TMEM184A: variants seen among roughly 807,000 people sequenced by gnomAD.
TMEM184A encodes sexually dimorphic, expressed in male gonads 1.
In TMEM184A, 40 loss-of-function variants were observed where a neutral mutation model predicts 39.5. That is an observed-to-expected ratio of 1.01 (90% CI 0.79 to 1.32). The LOEUF (loss-of-function observed/expected upper bound fraction) is 1.32. TMEM184A is among the 40% of genes most tolerant of loss of function. The pLI, the probability that TMEM184A is intolerant of heterozygous loss-of-function variation, is 0.00. For missense variants in TMEM184A, 603 were observed against 568.8 expected (o/e 1.06, Z -0.61); for synonymous variants, 280 against 252.3 (o/e 1.11, Z -1.04).
chr7:1,549,975 G>A (rs1562558653), intron 5 of TMEM184A, 30 bp from the exon 6 acceptor site: 3 of 1,610,570 alleles, frequency 1.9e-6, no homozygotes, highest in Non-Finnish European at 2.5e-6. Flanking sequence ...GTGGGCCTGG[G>A]GCCAGGTCCC....
At chr7:1,547,407 G>A (rs57984014) in intron 8 of TMEM184A, among the ~76,000 whole-genome samples, 90,001 of 151,976 alleles carry the variant, frequency 0.59, 26,792 homozygotes, top group East Asian at 0.67. Flanking sequence ...TAGAGCTTCC[G>A]AGGGGCTCCA....
chr7:1,547,878 C>T lies in TMEM184A; in HGVS notation c.876G>A (p.Gly292=), dbSNP rs754497158. 3 of 1,600,090 alleles carry T rather than the reference C, an allele frequency of 1.9e-6. No individual in the cohort carries two copies. The highest frequency in any genetic ancestry group is 8.5e-7 in the Non-Finnish European group (1 of 1,173,882). The change falls in exon 8 of 9, where the codon GGG becomes GGA. Residue 292 remains glycine (G), a synonymous_variant. Coordinates refer to ENST00000297477, the MANE Select transcript of TMEM184A (RefSeq NM_001097620.2). ...GVIPEVETSG[G]NKLGAGTLAA... ...CCAGCGTGCCAGCCCCCAGCTTGTT[C>T]CCGCCGCTGGTCTCCACCTCCGGGA...
intron 2 of TMEM184A, among the ~76,000 whole-genome samples, chr7:1,551,533 A>C (rs1784597580): frequency 6.6e-6 from 1 of 152,254 alleles, no homozygotes; most frequent in Non-Finnish European, 1.5e-5. Flanking sequence ...GCCTATTGTA[A>C]TTAGATACAT....
intron 1 of TMEM184A, 60 bp downstream of exon 1, chr7:1,556,054 C>T (rs568435100): frequency 1.1e-3 from 194 of 169,420 alleles, no homozygotes; most frequent in African/African-American, 4.2e-3. Flanking sequence ...CTCCCACACT[C>T]GCAGCCCAGT....
Position 1,547,024 on chromosome 7 carries a change from G to GCCA in TMEM184A, c.1169_1170insTGG (p.Gly392dup), listed in dbSNP as rs747205009. 762 of 1,604,122 alleles carry GCCA rather than the reference G, an allele frequency of 4.8e-4. 1 individual carries two copies. Among genetic ancestry groups the GCCA allele is most frequent in the Middle Eastern group, 7.7e-4 (4 of 5,186 alleles). On this transcript the variant is annotated inframe_insertion, in exon 9 of 9. Coordinates refer to ENST00000297477, the MANE Select transcript of TMEM184A (RefSeq NM_001097620.2). ...TCTTCCTGCTCCCGCCGGAGCCGCC[G>GCCA]CTGGGGTGGGTGCCGGGCCTGGGCG...
At position 1,548,529 on chromosome 7, in the gene TMEM184A, C is replaced by G; in HGVS notation, c.804G>C (p.Ser268=). 6.2e-7 allele frequency: 1 copy of G among 1,612,526 alleles called. No individual in the cohort carries two copies. Among genetic ancestry groups the G allele is most frequent in the Non-Finnish European group, 8.5e-7 (1 of 1,179,384 alleles). ...ACCTGCCCCACACACCTTGCCAGAACGACAGGAAGATGACGGCTTTGATGG... is the reference window on the plus strand; with the variant it reads ...ACCTGCCCCACACACCTTGCCAGAAGGACAGGAAGATGACGGCTTTGATGG... ...FLTIKAVIFL[S]FWQGLLLAIL... is the part of the protein sequence containing the mutation. The change falls in exon 7 of 9, where the codon TCG becomes TCC. Residue 268 remains serine, a synonymous_variant. Transcript: ENST00000297477.
chr7:1,551,859 C>A (rs1045834101), intron 2 of TMEM184A, among the ~76,000 whole-genome samples: 3 of 152,032 alleles, frequency 2.0e-5, no homozygotes, highest in Admixed American at 6.5e-5. Context: ...ATCGCTTGAG[C>A]CTGGGAGGTG....
chr7:1,547,958 C>T lies in TMEM184A; in HGVS notation c.815-19G>A. 6 of 1,550,810 alleles carry T rather than the reference C, an allele frequency of 3.9e-6. No homozygotes were observed. The East Asian group carries it at 1.5e-4, about 38-fold the overall frequency. On this transcript the variant is annotated intron_variant, in intron 7 of 8. Coordinates refer to ENST00000297477, the MANE Select transcript of TMEM184A (RefSeq NM_001097620.2). ...AGCAGCCCTGCGGACGCCACGGCCGCTCAGCCCCAGCCCCAGACGGGGTCT... is the reference window on the plus strand; with the variant it reads ...AGCAGCCCTGCGGACGCCACGGCCGTTCAGCCCCAGCCCCAGACGGGGTCT...
At chr7:1,553,939 G>A (rs777742680) in intron 2 of TMEM184A, among the ~76,000 whole-genome samples, 3 of 152,090 alleles carry the variant, frequency 2.0e-5, no homozygotes, top group South Asian at 2.1e-4. Flanking sequence ...TCTTGACTGC[G>A]AGGCCCCATG....
At chr7:1,554,446 C>T (rs920267290) in intron 2 of TMEM184A, among the ~76,000 whole-genome samples, 1 of 152,198 alleles carries the variant, frequency 6.6e-6, no homozygotes, top group African/African-American at 2.4e-5. Context: ...AGCCACCTCA[C>T]CGCACTGGGG....
chr7:1,549,365 CTCCTT>C, intron 6 of TMEM184A: 1 of 391,532 alleles, frequency 2.6e-6, no homozygotes, highest in South Asian at 1.9e-5. Context: ...CGCAGGGGTC[CTCCTT>C]GTGCTGGGTG....
Position 1,550,394 on chromosome 7 carries a change from G to A in TMEM184A, c.387C>T (p.Ala129=). ...GGCTCAGGAAGCTGTAAATGACAAA[G>A]GCTGCAGGGAGCACAGAGGGGGACC... is the stretch of plus-strand genomic sequence containing the variant. ...YFDSVRDCYE[A]FVIYSFLSLC... Residue 129 remains alanine, a splice_region_variant and synonymous_variant, in exon 4 of 9, where the codon GCC becomes GCT. Transcript: ENST00000297477. The A allele has an allele frequency of 1.2e-6, 2 of 1,611,234 alleles. No individual in the cohort carries two copies. Among genetic ancestry groups the A allele is most frequent in the Non-Finnish European group, 1.7e-6 (2 of 1,179,090 alleles).
chr7:1,547,827 G>A lies in TMEM184A; in HGVS notation c.927C>T (p.Ile309=). The A allele has an allele frequency of 6.2e-7, 1 of 1,612,576 alleles. No homozygotes were observed. Among genetic ancestry groups the A allele is most frequent in the Non-Finnish European group, 8.5e-7 (1 of 1,179,788 alleles). ...CGGAGGCGAACAGCATCTCCACGCA[G>A]ATGATGAAGTTCTGGTAGCCGGCGG... ...TLAAGYQNFI[I]CVEMLFASVA... is the part of the protein sequence containing the mutation. Residue 309 remains isoleucine (I), a synonymous_variant, in exon 8 of 9, where the codon ATC becomes ATT. Coordinates refer to ENST00000297477, the MANE Select transcript of TMEM184A (RefSeq NM_001097620.2).
intron 2 of TMEM184A, among the ~76,000 whole-genome samples, chr7:1,553,616 G>C (rs1784689047): frequency 6.6e-6 from 1 of 152,038 alleles, no homozygotes; most frequent in African/African-American, 2.4e-5. Flanking sequence ...CTGGCCGCTT[G>C]GGGTGCAGCT....
Position 1,549,241 on chromosome 7 carries a change from GTGA to G in TMEM184A, c.645-556_645-554del, listed in dbSNP as rs1357200035. On this transcript the variant is annotated intron_variant, in intron 6 of 8. Transcript: ENST00000297477. ...ATGTGTGAACATGTGATGCACGTGT[GTGA>G]TGTGTGCGCACAGGTGACAGCACAT... 1.1e-5 allele frequency: 5 copies of G among 435,252 alleles called. No individual in the cohort carries two copies. The East Asian group carries it at 3.6e-4, about 32-fold the overall frequency. 27.0% of individuals were successfully genotyped at this position (435,252 alleles called of 1,614,324 possible).
chr7:1,551,949 A>AG (rs1491580350), intron 2 of TMEM184A, among the ~76,000 whole-genome samples: 1 of 151,210 alleles, frequency 6.6e-6, no homozygotes, highest in African/African-American at 2.4e-5. Context: ...AAAAAAAAAA[A>AG]TATTTTTTTG....
In TMEM184A at chr7:1,550,896, G is replaced by A. The variant is rs753323290; in HGVS notation, c.306C>T (p.Phe102=). ...RLLLIVPIYA[F]DSWLSLLLLG... Reference sequence around the variant, plus strand: ...GGAGGAGGAGGCTGAGCCAGGAGTCGAAGGCGTAGATGGGCACGATGAGGA... The same window carrying A: ...GGAGGAGGAGGCTGAGCCAGGAGTCAAAGGCGTAGATGGGCACGATGAGGA... Residue 102 remains phenylalanine, a synonymous_variant, in exon 3 of 9, where the codon TTC becomes TTT. Transcript: ENST00000297477. 50 of 1,613,734 alleles carry A rather than the reference G, an allele frequency of 3.1e-5. No homozygotes were observed. The highest frequency in any genetic ancestry group is 1.7e-4 in the African/African-American group (13 of 74,930).
chr7:1,555,456 G>C lies in TMEM184A; in HGVS notation c.29C>G (p.Thr10Arg), dbSNP rs771593801. 4 of 1,608,862 alleles carry C rather than the reference G, an allele frequency of 2.5e-6. No homozygotes were observed. Among genetic ancestry groups the C allele is most frequent in the African/African-American group, 2.7e-5 (2 of 74,884 alleles). Residue 10 changes from threonine (T) to arginine (R), a missense_variant, in exon 2 of 9, where the codon ACA (threonine) becomes AGA (arginine). Transcript: ENST00000297477. This position sits in a 1 kb window ranked among gnomAD's most constrained non-coding sequence, Gnocchi z 5.2. MSNVSGILE[T>R]AGVPLVSANW... Reference sequence around the variant, plus strand: ...CGCTGACACCAGGGGGACGCCGGCTGTCTCCAGGATCCCTGAGACATTACT... The same window carrying C: ...CGCTGACACCAGGGGGACGCCGGCTCTCTCCAGGATCCCTGAGACATTACT...
In TMEM184A at chr7:1,550,822, T is replaced by C; in HGVS notation, c.380A>G (p.Tyr127Cys). 6.2e-7 allele frequency: 1 copy of C among 1,612,870 alleles called. No homozygotes were observed. Among genetic ancestry groups the C allele is most frequent in the Non-Finnish European group, 8.5e-7 (1 of 1,179,858 alleles). The stretch of plus-strand genomic sequence containing the variant: ...TGACGCAGCCTGGCGCCCACCTTCG[T>C]AGCAGTCCCGCACAGAGTCGAAGTA... The part of the protein sequence containing the change: ...YVYFDSVRDC[Y>C]EAFVIYSFLS... Residue 127 changes from tyrosine to cysteine, a missense_variant, in exon 3 of 9, where the codon TAC (tyrosine) becomes TGC (cysteine). By Grantham distance (194) the Tyr-to-Cys change is radical. Coordinates refer to ENST00000297477, the MANE Select transcript of TMEM184A (RefSeq NM_001097620.2).
Sources: allele counts gnomAD v4.1 joint callset (sites outside exome capture counted in the v4.1 genomes callset), GRCh38; gene constraint gnomAD v4.1.1; non-coding constraint Gnocchi (gnomAD v3.1); transcripts MANE v1.5; gene names NCBI Gene and HGNC (gene_info 2026-07-23, HGNC 2026-07-21).